Variants in VPS36 observed in about 807,000 individuals in gnomAD.
VPS36 encodes vacuolar protein-sorting-associated protein 36.
VPS36 carries 31 observed loss-of-function variants against 63.5 expected under a neutral mutation model. That is an observed-to-expected ratio of 0.49 (90% CI 0.37 to 0.66). The LOEUF (loss-of-function observed/expected upper bound fraction) is 0.66, where lower values mean the gene tolerates loss of function less well. Among genes scored for constraint, VPS36 ranks in the 30% least tolerant of loss-of-function variants. The pLI is 0.00. For missense variants in VPS36, 338 were observed against 463.7 expected, an observed-to-expected ratio of 0.73 and a Z score of 2.49; for synonymous variants, 138 against 157.2, an observed-to-expected ratio of 0.88 and a Z score of 0.91.
chr13:52,433,186 GGGT>G (rs1958177891), intron 6 of VPS36, among the ~76,000 whole-genome samples: 1 of 152,160 alleles, frequency 6.6e-6, no homozygotes, highest in African/African-American at 2.4e-5. Flanking sequence ...TACATGCTCA[GGGT>G]TGTCCCCCAG....
rs199515195 is a variant in VPS36, at chr13:52,422,295, A to AT, written c.840+1278dup. Among the ~76,000 whole-genome samples the AT allele has an allele frequency of 1.4e-4, 21 of 151,872 alleles. No individual in the cohort carries two copies. The East Asian group carries it at 3.1e-3, about 22-fold the overall frequency. The stretch of plus-strand genomic sequence containing the variant: ...ATGTTGCTGCAAATGATGTGATTTC[A>AT]TTTTTTTTATGACTGAATTGTATTC... On this transcript the variant is annotated intron_variant, in intron 10 of 13. Coordinates refer to ENST00000378060, the MANE Select transcript of VPS36 (RefSeq NM_016075.4).
intron 2 of VPS36, among the ~76,000 whole-genome samples, chr13:52,440,221 C>A (rs1440673327): frequency 6.6e-6 from 1 of 152,094 alleles, no homozygotes; most frequent in Non-Finnish European, 1.5e-5. Context: ...TCAAGTGACC[C>A]CCCTGCCTCG....
chr13:52,416,082 C>A lies in VPS36; in HGVS notation c.1002G>T (p.Lys334Asn). The change falls in exon 13 of 14, where the codon AAG becomes AAT. Residue 334 changes from lysine (K) to asparagine (N), a missense_variant. By Grantham distance (94) the Lys-to-Asn change is moderately conservative. Transcript: ENST00000378060. ...VASALETVSE[K>N]GSLTSEEFAK... is the part of the protein sequence containing the mutation. ...CAAACTCTTCTGATGTTAGGGATCC[C>A]TTTTCTGAAACCTAATAGAAACACA... 1 of 1,612,928 alleles carries A rather than the reference C, an allele frequency of 6.2e-7. No individual in the cohort carries two copies. Among genetic ancestry groups the A allele is most frequent in the Non-Finnish European group, 8.5e-7 (1 of 1,179,656 alleles).
chr13:52,443,387 A>G (rs1477994203), intron 1 of VPS36, among the ~76,000 whole-genome samples: 1 of 152,168 alleles, frequency 6.6e-6, no homozygotes, highest in African/African-American at 2.4e-5. Context: ...TAGGTTTAGA[A>G]GTTCATGAGG....
At chr13:52,430,095 G>C (rs151250807) in intron 6 of VPS36, among the ~76,000 whole-genome samples, 1 of 151,974 alleles carries the variant, frequency 6.6e-6, no homozygotes, top group African/African-American at 2.4e-5. Context: ...TAGGTGACAG[G>C]ACTCAGGAAA....
rs756926339 is a variant in VPS36, at chr13:52,434,808, T to G, written c.426A>C (p.Thr142=). 45 of 1,613,794 alleles carry G rather than the reference T, an allele frequency of 2.8e-5. No individual in the cohort carries two copies. Among genetic ancestry groups the G allele is most frequent in the Non-Finnish European group, 3.7e-5 (44 of 1,179,928 alleles). Residue 142 remains threonine, a synonymous_variant, in exon 5 of 14, where the codon ACA becomes ACC. Transcript: ENST00000378060. ...ENMPVSQSLQ[T]NRGPQPGRIR... is the part of the protein sequence containing the mutation. ...TTAAAAATACCTGGGGTCCTCTATTTGTTTGTAATGACTGGGAAACTGGCA... is the reference window on the plus strand; with the variant it reads ...TTAAAAATACCTGGGGTCCTCTATTGGTTTGTAATGACTGGGAAACTGGCA...
intron 4 of VPS36, 89 bp from the exon 5 acceptor site, chr13:52,434,971 CTTTTTTT>C (rs869257101): frequency 2.7e-5 from 22 of 808,902 alleles, no homozygotes; most frequent in African/African-American, 1.4e-4. Flanking sequence ...TTCTTTTTTT[CTTTTTTT>C]TTTTTTTTTT....
intron 10 of VPS36, among the ~76,000 whole-genome samples, chr13:52,420,955 T>C (rs968397035): frequency 3.3e-5 from 5 of 152,182 alleles, no homozygotes; most frequent in Non-Finnish European, 7.3e-5. Context: ...ACCCCGATTC[T>C]ACTAAAAGTA....
intron 6 of VPS36, among the ~76,000 whole-genome samples, chr13:52,431,553 A>G (rs1958156172): frequency 6.6e-6 from 1 of 151,982 alleles, no homozygotes; most frequent in Non-Finnish European, 1.5e-5. Flanking sequence ...TCACGAGGTC[A>G]GGAGTTCGAG....
intron 6 of VPS36, among the ~76,000 whole-genome samples, chr13:52,430,087 G>A (rs9568734): frequency 0.42 from 63,678 of 151,882 alleles, 14,859 homozygotes; most frequent in East Asian, 0.58. Flanking sequence ...ATCAGAAATA[G>A]GTGACAGGAC....
chr13:52,424,965 G>C (rs907830784), intron 9 of VPS36, among the ~76,000 whole-genome samples: 5 of 151,594 alleles, frequency 3.3e-5, no homozygotes, highest in African/African-American at 1.2e-4. Context: ...TCCAGACTGG[G>C]CGACAATAGT....
At chr13:52,418,113 A>T (rs1594111500) in intron 10 of VPS36, 57 bp from the exon 11 acceptor site, 1 of 1,413,298 alleles carries the variant, frequency 7.1e-7, no homozygotes, top group East Asian at 2.3e-5. Flanking sequence ...ACTAAAACAG[A>T]AGAGTATATT....
At chr13:52,445,939 CAAAAAAAAAAAAAA>C (rs34529458) in intron 1 of VPS36, among the ~76,000 whole-genome samples, 6 of 15,362 alleles carry the variant, frequency 3.9e-4, no homozygotes, top group African/African-American at 6.0e-4. Context: ...GACTCTATCT[CAAAAAAAAAAAAAA>C]AAAAAAAAAA....
In VPS36 at chr13:52,415,791, G is replaced by A. The variant is rs375229564; in HGVS notation, c.*39C>T. ...CAATGTCATACAACCTCTACATGAC[G>A]CAAGCATATGGACAAAAAGGATTTT... On this transcript the variant is annotated 3_prime_UTR_variant, in exon 14 of 14. Transcript: ENST00000378060. The A allele has an allele frequency of 1.3e-5, 21 of 1,586,522 alleles. No individual in the cohort carries two copies. The highest frequency in any genetic ancestry group is 1.0e-4 in the South Asian group (9 of 89,308).
intron 2 of VPS36, among the ~76,000 whole-genome samples, chr13:52,441,764 G>T (rs1958279650): frequency 6.6e-6 from 1 of 151,704 alleles, no homozygotes; most frequent in Non-Finnish European, 1.5e-5. Context: ...AAAAAAGGGG[G>T]GGATGCGTGG....
At chr13:52,439,003 G>A in intron 3 of VPS36, 95 bp downstream of exon 3, 1 of 1,058,782 alleles carries the variant, frequency 9.4e-7, no homozygotes. Context: ...CTTTAAGAAT[G>A]GATTCGTACA....
In VPS36 at chr13:52,450,578, C is replaced by G; in HGVS notation, c.17G>C (p.Trp6Ser). ...GTTGATCTCCAGGAGGCCGCTGGTCCAAACGAAGCGGTCCATGGCCGCTGC... is the reference window on the plus strand; with the variant it reads ...GTTGATCTCCAGGAGGCCGCTGGTCGAAACGAAGCGGTCCATGGCCGCTGC... MDRFV[W>S]TSGLLEINET... The change falls in exon 1 of 14, where the codon TGG (tryptophan) becomes TCG (serine). Residue 6 changes from tryptophan (W) to serine (S), a missense_variant. Coordinates refer to ENST00000378060, the MANE Select transcript of VPS36 (RefSeq NM_016075.4). 1 of 1,590,064 alleles carries G rather than the reference C, an allele frequency of 6.3e-7. No individual in the cohort carries two copies. Among genetic ancestry groups the G allele is most frequent in the East Asian group, 2.4e-5 (1 of 42,226 alleles).
rs1957986266 is a variant in VPS36 at position 52,415,705 on chromosome 13, A to T, written c.*125T>A. On this transcript the variant is annotated 3_prime_UTR_variant, in exon 14 of 14. Transcript: ENST00000378060. The stretch of plus-strand genomic sequence containing the variant: ...CATATTTAGTGAGAAATTAAAAGAG[A>T]TTTACATTGCACTGTGAAGTTCCAA... The T allele has an allele frequency of 5.5e-6, 5 of 913,358 alleles. No homozygotes were observed. The Admixed American group carries it at 1.2e-4, about 22-fold the overall frequency. The allele number at this position is 913,358 out of a possible 1,614,324, so 56.6% of individuals were successfully genotyped here. A position where few individuals can be genotyped will look rare whatever the true frequency, so the allele number is the denominator to read the frequency against.
chr13:52,433,847 C>A (rs1958185035), intron 5 of VPS36, 99 bp from the exon 6 acceptor site: 3 of 1,042,884 alleles, frequency 2.9e-6, no homozygotes, highest in Non-Finnish European at 4.2e-6. Context: ...CGGGAAAGGA[C>A]CTACAAAGAA....
Sources: allele counts gnomAD v4.1 joint callset (sites outside exome capture counted in the v4.1 genomes callset), GRCh38; gene constraint gnomAD v4.1.1; transcripts MANE v1.5; gene names NCBI Gene and HGNC (gene_info 2026-07-23, HGNC 2026-07-21).